Variants in BMP2K observed in about 807,000 individuals in gnomAD.
The protein encoded by BMP2K is BMP-2-inducible protein kinase.
In BMP2K, 74 loss-of-function variants were observed where a neutral mutation model predicts 116.0. That is an observed-to-expected ratio of 0.64 (90% CI 0.53 to 0.77). The LOEUF is 0.77. BMP2K is among the 30% of genes least tolerant of loss of function. The pLI is 0.00. For synonymous variants in BMP2K, 486 were observed against 502.5 expected (o/e 0.97, Z 0.44); for missense variants, 1,365 against 1,403.6 (o/e 0.97, Z 0.44).
chr4:78,859,509 A>G lies in BMP2K; in HGVS notation c.884-75A>G. The G allele has an allele frequency of 6.8e-6, 6 of 888,236 alleles. No homozygotes were observed. The South Asian group carries it at 1.2e-4, about 17-fold the overall frequency. 55.0% of individuals were successfully genotyped at this position (888,236 alleles called of 1,614,324 possible). A position where few individuals can be genotyped will look rare whatever the true frequency, so the allele number is the denominator to read the frequency against. On this transcript the variant is annotated intron_variant, in intron 7 of 15. Coordinates refer to ENST00000502613, the MANE Select transcript of BMP2K (RefSeq NM_198892.2). The stretch of plus-strand genomic sequence containing the variant: ...GTGGAACAGAAAATACATATTTTTT[A>G]TCCTTATAATGTGCCCCTAAGTAGT...
chr4:78,884,454 A>G (rs1419942182), intron 14 of BMP2K, among the ~76,000 whole-genome samples: 1 of 152,250 alleles, frequency 6.6e-6, no homozygotes, highest in East Asian at 1.9e-4. Flanking sequence ...TACATTTTAT[A>G]CAGGAATCCT....
At chr4:78,834,042 A>G (rs544560449) in intron 3 of BMP2K, among the ~76,000 whole-genome samples, 10 of 152,152 alleles carry the variant, frequency 6.6e-5, no homozygotes, top group Non-Finnish European at 1.3e-4. Context: ...CCAGAACTCT[A>G]CTACGTTATT....
chr4:78,807,314 C>A (rs944083849), intron 1 of BMP2K, among the ~76,000 whole-genome samples: 1 of 151,894 alleles, frequency 6.6e-6, no homozygotes, highest in Non-Finnish European at 1.5e-5. Flanking sequence ...GGAATGTAAT[C>A]TTTTTTTAAT....
rs193235646 is a variant in BMP2K at position 78,910,937 on chromosome 4, A to G, written c.2390A>G (p.Glu797Gly). The change falls in exon 16 of 16, where the codon GAG (glutamate) becomes GGG (glycine). Residue 797 changes from glutamate (E) to glycine (G), a missense_variant. Coordinates refer to ENST00000502613, the MANE Select transcript of BMP2K (RefSeq NM_198892.2). ...ATGGATTCTGAAGATGAGGAAGAAG[A>G]GGAGAAACATAGCTCTGATTCTGAT... ...LLMDSEDEEEEEKHSSDSDYE... is the reference protein window; with the variant it reads ...LLMDSEDEEEGEKHSSDSDYE... The G allele has an allele frequency of 1.3e-5, 21 of 1,613,820 alleles. No homozygotes were observed. Among genetic ancestry groups the G allele is most frequent in the Non-Finnish European group, 1.8e-5 (21 of 1,179,798 alleles).
chr4:78,896,607 T>C (rs1189023097), intron 15 of BMP2K, among the ~76,000 whole-genome samples: 1 of 152,224 alleles, frequency 6.6e-6, no homozygotes, highest in Non-Finnish European at 1.5e-5. Flanking sequence ...TTATTATACA[T>C]GGTGAATGCA....
intron 1 of BMP2K, among the ~76,000 whole-genome samples, chr4:78,780,094 A>C (rs1030097704): frequency 2.0e-5 from 3 of 152,190 alleles, no homozygotes; most frequent in Non-Finnish European, 4.4e-5. Flanking sequence ...TGGCTTGTTG[A>C]CCACATGCAT....
chr4:78,855,845 T>C (rs1731483090), intron 7 of BMP2K, among the ~76,000 whole-genome samples: 2 of 152,184 alleles, frequency 1.3e-5, no homozygotes, highest in African/African-American at 4.8e-5. Context: ...TGGCTAAGTT[T>C]TAAAAAGTTG....
At chr4:78,886,210 A>G (rs146153478) in intron 14 of BMP2K, among the ~76,000 whole-genome samples, 1 of 152,302 alleles carries the variant, frequency 6.6e-6, no homozygotes, top group East Asian at 1.9e-4. Flanking sequence ...CTAGGGAGTC[A>G]GGATATATCA....
At chr4:78,880,889 A>G (rs1732856413) in intron 14 of BMP2K, among the ~76,000 whole-genome samples, 1 of 152,232 alleles carries the variant, frequency 6.6e-6, no homozygotes, top group African/African-American at 2.4e-5. Flanking sequence ...TCCAAAGGAA[A>G]GTGCAGGAGG....
intron 1 of BMP2K, among the ~76,000 whole-genome samples, chr4:78,787,062 G>A (rs927726427): frequency 2.6e-5 from 4 of 152,040 alleles, no homozygotes; most frequent in Admixed American, 1.3e-4. Flanking sequence ...CCTTGTATTC[G>A]TCTTTTATCT....
chr4:78,899,263 C>T (rs1160849490), intron 15 of BMP2K: 1 of 151,928 alleles, frequency 6.6e-6, no homozygotes, highest in African/African-American at 2.4e-5. Flanking sequence ...GAACAGGGGA[C>T]CTTGAAGGAA....
intron 6 of BMP2K, among the ~76,000 whole-genome samples, chr4:78,848,814 A>G (rs1415563993): frequency 6.6e-6 from 1 of 151,416 alleles, no homozygotes; most frequent in East Asian, 1.9e-4. Flanking sequence ...TTGAAAAAAA[A>G]AAGAAACATA....
At chr4:78,793,486 T>G (rs561141558) in intron 1 of BMP2K, among the ~76,000 whole-genome samples, 5 of 151,768 alleles carry the variant, frequency 3.3e-5, no homozygotes, top group Non-Finnish European at 7.4e-5. Context: ...GGTTTAAAAA[T>G]TTTCAGATTT....
At chr4:78,805,458 A>G (rs1728770437) in intron 1 of BMP2K, among the ~76,000 whole-genome samples, 1 of 152,130 alleles carries the variant, frequency 6.6e-6, no homozygotes, top group Admixed American at 6.5e-5. Context: ...GGATTTGATA[A>G]ATAATTTTTG....
intron 1 of BMP2K, among the ~76,000 whole-genome samples, chr4:78,821,483 T>C (rs1289806436): frequency 6.6e-6 from 1 of 152,214 alleles, no homozygotes; most frequent in African/African-American, 2.4e-5. Context: ...GGGCTTCTCT[T>C]TTCAGTAGGC....
At chr4:78,823,536 G>A (rs1039640230) in intron 1 of BMP2K, among the ~76,000 whole-genome samples, 2 of 145,212 alleles carry the variant, frequency 1.4e-5, no homozygotes, top group African/African-American at 2.5e-5. Flanking sequence ...TTATATATAT[G>A]GTTATATATA....
rs1727237564 is a variant in BMP2K, at chr4:78,776,487, CG to C, written c.-54del. On this transcript the variant is annotated 5_prime_UTR_variant, in exon 1 of 16. Transcript: ENST00000502613. ...CCCTCGCGGACGCCCGGCTGCGCGC[CG>C]GGCCGGGGACTTGCCCTTGCACGCT... is the stretch of plus-strand genomic sequence containing the variant. 2.7e-6 allele frequency: 3 copies of C among 1,114,918 alleles called. No homozygotes were observed. Among genetic ancestry groups the C allele is most frequent in the East Asian group, 5.2e-5 (1 of 19,084 alleles). The allele number at this position is 1,114,918 out of a possible 1,614,324, so 69.1% of individuals were successfully genotyped here. A position where few individuals can be genotyped will look rare whatever the true frequency, so the allele number is the denominator to read the frequency against.
chr4:78,887,203 A>G lies in BMP2K; in HGVS notation c.1981A>G (p.Lys661Glu), dbSNP rs751229561. The G allele has an allele frequency of 2.9e-5, 47 of 1,610,614 alleles. No homozygotes were observed. Among genetic ancestry groups the G allele is most frequent in the Non-Finnish European group, 3.9e-5 (46 of 1,178,380 alleles). The change falls in exon 15 of 16, where the codon AAG becomes GAG. Residue 661 changes from lysine (K) to glutamate (E), a missense_variant. Physicochemically the swap from Lys to Glu is moderately conservative, Grantham distance 56. Coordinates refer to ENST00000502613, the MANE Select transcript of BMP2K (RefSeq NM_198892.2). ...GCTCGAGGAGAGAGCATCCTCAGAT[A>G]AGAATGTAGACTCACTTTCTGCTCC... Reference protein sequence around the residue: ...NRLEERASSDKNVDSLSAPHN... With the variant: ...NRLEERASSDENVDSLSAPHN...
chr4:78,852,668 G>A (rs1227683870), intron 7 of BMP2K, among the ~76,000 whole-genome samples: 1 of 152,120 alleles, frequency 6.6e-6, no homozygotes, highest in Non-Finnish European at 1.5e-5. Context: ...GGAGTACAGT[G>A]TTGTGATCAT....
Sources: gnomAD v4.1 joint callset for allele counts (sites outside exome capture counted in the v4.1 genomes callset) on GRCh38, gnomAD v4.1.1 for gene constraint, MANE v1.5 for transcripts, NCBI Gene and HGNC (gene_info 2026-07-23, HGNC 2026-07-21) for gene names.